Variants in ZNRF3 observed in about 807,000 individuals in gnomAD.
The protein encoded by ZNRF3 is E3 ubiquitin-protein ligase ZNRF3.
In ZNRF3, 23 loss-of-function variants were observed where a neutral mutation model predicts 72.5. That is an observed-to-expected ratio of 0.32 (90% CI 0.23 to 0.45). ZNRF3 has a LOEUF of 0.45. Ranked by LOEUF, ZNRF3 falls within the 20% of genes least tolerant of loss-of-function variation. ZNRF3 has a pLI of 1.00. For synonymous variants in ZNRF3, 610 were observed against 545.3 expected (o/e 1.12, Z -1.65); for missense variants, 1,169 against 1,272.1 (o/e 0.92, Z 1.23).
chr22:28,992,362 G>A (rs1258300656), intron 2 of ZNRF3, among the ~76,000 whole-genome samples: 1 of 152,030 alleles, frequency 6.6e-6, no homozygotes, highest in Non-Finnish European at 1.5e-5. Flanking sequence ...CCCATGACAG[G>A]GGTGCTGATG....
chr22:28,926,000 TGCGTCTTTGTTCA>T (rs2034593794), intron 1 of ZNRF3, among the ~76,000 whole-genome samples: 1 of 152,218 alleles, frequency 6.6e-6, no homozygotes, highest in African/African-American at 2.4e-5. Flanking sequence ...CTAGAGATCT[TGCGTCTTTGTTCA>T]GACACTCAAG....
At chr22:28,961,701 T>A (rs1307553697) in intron 1 of ZNRF3, among the ~76,000 whole-genome samples, 1 of 152,194 alleles carries the variant, frequency 6.6e-6, no homozygotes, top group Non-Finnish European at 1.5e-5. Context: ...TATTTATTGT[T>A]GAGAAATGGA....
intron 1 of ZNRF3, among the ~76,000 whole-genome samples, chr22:28,904,593 T>G (rs1287778330): frequency 6.6e-6 from 1 of 152,124 alleles, no homozygotes; most frequent in Non-Finnish European, 1.5e-5. Context: ...GTGTGCTTTC[T>G]TTTTCTTCTC....
At chr22:28,906,522 C>T (rs955035576) in intron 1 of ZNRF3, among the ~76,000 whole-genome samples, 5 of 152,200 alleles carry the variant, frequency 3.3e-5, no homozygotes, top group Non-Finnish European at 5.9e-5. Context: ...CTCTCTGAAC[C>T]TCTGCTTCTT....
intron 1 of ZNRF3, among the ~76,000 whole-genome samples, chr22:28,956,353 C>CTT (rs61155224): frequency 3.9e-4 from 43 of 110,418 alleles, no homozygotes; most frequent in South Asian, 9.0e-4. Flanking sequence ...TTTCCATTTC[C>CTT]TTTTTTTTTT....
intron 1 of ZNRF3, among the ~76,000 whole-genome samples, chr22:28,944,761 A>G (rs2035017558): frequency 6.6e-6 from 1 of 150,478 alleles, no homozygotes; most frequent in Non-Finnish European, 1.5e-5. Context: ...TCTCAAAAAA[A>G]AAAAAAAAAA....
intron 1 of ZNRF3, among the ~76,000 whole-genome samples, chr22:28,981,130 C>T (rs1206565556): frequency 1.3e-5 from 2 of 152,190 alleles, no homozygotes; most frequent in African/African-American, 4.8e-5. Flanking sequence ...CCACACAGGT[C>T]TTATATGTAG....
At chr22:28,900,407 C>A (rs995279122) in intron 1 of ZNRF3, among the ~76,000 whole-genome samples, 2 of 152,194 alleles carry the variant, frequency 1.3e-5, no homozygotes, top group African/African-American at 4.8e-5. Context: ...TACCTCTTTG[C>A]AAATGGTGCC....
chr22:28,983,445 T>C (rs922588042), intron 1 of ZNRF3, among the ~76,000 whole-genome samples: 8 of 152,200 alleles, frequency 5.3e-5, no homozygotes, highest in African/African-American at 1.9e-4. Context: ...GCCTCTGGCC[T>C]GGTCAGGCCC....
chr22:28,979,068 G>A (rs1361209678), intron 1 of ZNRF3, among the ~76,000 whole-genome samples: 1 of 151,972 alleles, frequency 6.6e-6, no homozygotes, highest in Non-Finnish European at 1.5e-5. Flanking sequence ...ACTCTCCTCA[G>A]TACCATCTAA....
intron 1 of ZNRF3, among the ~76,000 whole-genome samples, chr22:28,954,059 G>A (rs1414889126): frequency 1.3e-5 from 2 of 152,238 alleles, no homozygotes; most frequent in Non-Finnish European, 2.9e-5. Flanking sequence ...CCTGGCACAC[G>A]GCTCACTCTG....
At chr22:28,925,080 A>G (rs2034577068) in intron 1 of ZNRF3, among the ~76,000 whole-genome samples, 1 of 152,220 alleles carries the variant, frequency 6.6e-6, no homozygotes, top group South Asian at 2.1e-4. Context: ...TGTACCATAC[A>G]TACCTCCATG....
At chr22:28,957,517 G>A (rs1469072195) in intron 1 of ZNRF3, among the ~76,000 whole-genome samples, 1 of 152,112 alleles carries the variant, frequency 6.6e-6, no homozygotes, top group Non-Finnish European at 1.5e-5. Context: ...TTGGCTCACT[G>A]CAACCTCCGC....
At chr22:28,978,753 A>G (rs2035716798) in intron 1 of ZNRF3, among the ~76,000 whole-genome samples, 1 of 152,172 alleles carries the variant, frequency 6.6e-6, no homozygotes, top group African/African-American at 2.4e-5. Context: ...TCAATTCTTT[A>G]GTGGCTTCTT....
intron 2 of ZNRF3, among the ~76,000 whole-genome samples, chr22:29,034,304 C>T (rs1015275608): frequency 3.3e-5 from 5 of 152,166 alleles, no homozygotes; most frequent in African/African-American, 9.7e-5. Context: ...ATACTGATAA[C>T]CATCTCATTT....
intron 1 of ZNRF3, among the ~76,000 whole-genome samples, chr22:28,952,674 T>A (rs746262989): frequency 2.6e-5 from 4 of 152,220 alleles, no homozygotes; most frequent in Non-Finnish European, 5.9e-5. Context: ...ATGAAGATAA[T>A]CTTCTGGCTT....
intron 1 of ZNRF3, among the ~76,000 whole-genome samples, chr22:28,982,692 A>C (rs1479336865): frequency 6.6e-6 from 1 of 152,160 alleles, no homozygotes; most frequent in Non-Finnish European, 1.5e-5. Flanking sequence ...TTTGCCTAGA[A>C]TACTCCATCC....
intron 1 of ZNRF3, among the ~76,000 whole-genome samples, chr22:28,903,884 G>GGTGACCTTGAGT (rs2034156622): frequency 6.6e-6 from 1 of 152,142 alleles, no homozygotes. Flanking sequence ...GACTTCCCAT[G>GGTGACCTTGAGT]GTGACCTTGA....
intron 1 of ZNRF3, among the ~76,000 whole-genome samples, chr22:28,938,959 G>A (rs1196399682): frequency 6.6e-6 from 1 of 152,112 alleles, no homozygotes; most frequent in Non-Finnish European, 1.5e-5. Flanking sequence ...CTCTAGATAA[G>A]GCATTTAACC....
Sources: allele counts gnomAD v4.1 joint callset (sites outside exome capture counted in the v4.1 genomes callset), GRCh38; gene constraint gnomAD v4.1.1; transcripts MANE v1.5; gene names NCBI Gene and HGNC (gene_info 2026-07-23, HGNC 2026-07-21).